The following PRKACB variants were observed in gnomAD, a reference collection of about 807,000 sequenced individuals.
PRKACB encodes the protein cAMP-dependent protein kinase catalytic subunit beta.
A neutral mutation model predicts 51.4 loss-of-function variants in PRKACB; 16 were observed. That is an observed-to-expected ratio of 0.31 (90% confidence interval 0.21 to 0.47). The LOEUF is 0.47. PRKACB is among the 20% of genes least tolerant of loss of function. The pLI, the probability that PRKACB is intolerant of heterozygous loss-of-function variation, is 1.00. For synonymous variants in PRKACB, 147 were observed against 154.4 expected, an observed-to-expected ratio of 0.95 and a Z score of 0.35; for missense variants, 309 against 464.5, an observed-to-expected ratio of 0.67 and a Z score of 3.08.
intron 1 of PRKACB, among the ~76,000 whole-genome samples, chr1:84,108,397 C>T (rs1034973993): frequency 8.6e-5 from 13 of 151,754 alleles, no homozygotes; most frequent in Non-Finnish European, 4.4e-5. Flanking sequence ...TTGGGTATAC[C>T]TGGGTGATGA....
chr1:84,129,861 C>T (rs886119323), intron 1 of PRKACB, among the ~76,000 whole-genome samples: 6 of 152,186 alleles, frequency 3.9e-5, no homozygotes, highest in Non-Finnish European at 1.5e-5. Context: ...TTTCTTCCTA[C>T]ATCCTCCAGC....
chr1:84,144,442 C>T lies in PRKACB; in HGVS notation c.81C>T (p.Ser27=), dbSNP rs766345267. 54 of 1,613,168 alleles carry T rather than the reference C, an allele frequency of 3.3e-5. No individual in the cohort carries two copies. In the East Asian group the frequency reaches 1.2e-3, roughly 35 times the overall value. The change falls in exon 1 of 10, where the codon AGC becomes AGT. Residue 27 remains serine (S), a synonymous_variant. Transcript: ENST00000370685. ...TTCAGAAATTGGAAGGTTTTGCTAG[C>T]CGGTTATTTCATAGACACTCTAAAG... ...TALQKLEGFA[S]RLFHRHSKGT...
chr1:84,130,421 G>A (rs1557986499), intron 1 of PRKACB, among the ~76,000 whole-genome samples: 1 of 152,028 alleles, frequency 6.6e-6, no homozygotes. Flanking sequence ...AGACAACCCA[G>A]AAAAGAGTCA....
intron 1 of PRKACB, among the ~76,000 whole-genome samples, chr1:84,127,775 T>A (rs995541236): frequency 6.6e-6 from 1 of 152,136 alleles, no homozygotes; most frequent in Non-Finnish European, 1.5e-5. Flanking sequence ...ACTTGATTAC[T>A]ACTTTATTTT....
At chr1:84,124,953 C>T (rs949812742) in intron 1 of PRKACB, among the ~76,000 whole-genome samples, 11 of 152,134 alleles carry the variant, frequency 7.2e-5, no homozygotes, top group Admixed American at 5.9e-4. Context: ...TTTTAGTACT[C>T]TGGAAATAGA....
At chr1:84,171,133 A>C (rs1242168014) in intron 1 of PRKACB, among the ~76,000 whole-genome samples, 1 of 151,562 alleles carries the variant, frequency 6.6e-6, no homozygotes, top group African/African-American at 2.4e-5. Flanking sequence ...TTAACTCGTA[A>C]ATTTAAGGTG....
intron 1 of PRKACB, among the ~76,000 whole-genome samples, chr1:84,147,664 T>C (rs1654286471): frequency 6.6e-6 from 1 of 151,944 alleles, no homozygotes; most frequent in Non-Finnish European, 1.5e-5. Flanking sequence ...GGAAGCTAAG[T>C]GTAAGAAAAA....
At chr1:84,157,996 A>T (rs570637754) in intron 1 of PRKACB, among the ~76,000 whole-genome samples, 1 of 152,014 alleles carries the variant, frequency 6.6e-6, no homozygotes, top group South Asian at 2.1e-4. Flanking sequence ...GTACCATTTT[A>T]TGTTTTCACC....
chr1:84,204,354 T>G, intron 8 of PRKACB: 1 of 665,524 alleles, frequency 1.5e-6, no homozygotes, highest in Non-Finnish European at 2.6e-6. Flanking sequence ...TGTGCACTGA[T>G]AAAGGCAATA....
chr1:84,086,045 G>A, intron 1 of PRKACB: 2 of 940,270 alleles, frequency 2.1e-6, no homozygotes, highest in Non-Finnish European at 3.5e-6. Flanking sequence ...GAAGATGGTG[G>A]TCAAGCAGCA....
chr1:84,205,350 G>A, intron 8 of PRKACB: 7 of 884,418 alleles, frequency 7.9e-6, no homozygotes, highest in Non-Finnish European at 9.5e-6. Context: ...TTGTCTCTCT[G>A]GTTAGTGGCT....
At chr1:84,081,764 CTTTG>C (rs1290643811) in intron 1 of PRKACB, among the ~76,000 whole-genome samples, 1 of 152,002 alleles carries the variant, frequency 6.6e-6, no homozygotes, top group East Asian at 1.9e-4. Flanking sequence ...GCCTATGGGG[CTTTG>C]TGTTATACAT....
intron 9 of PRKACB, among the ~76,000 whole-genome samples, chr1:84,223,587 T>C (rs1244778045): frequency 6.6e-6 from 1 of 152,082 alleles, no homozygotes; most frequent in East Asian, 1.9e-4. Context: ...GCCAGGATGG[T>C]CTCGATCTCC....
chr1:84,099,177 T>G (rs1418439664), intron 1 of PRKACB, among the ~76,000 whole-genome samples: 1 of 152,136 alleles, frequency 6.6e-6, no homozygotes. Flanking sequence ...CAATTTTATT[T>G]GTAGTGTTAA....
intron 1 of PRKACB, chr1:84,086,222 C>A: frequency 6.3e-7 from 1 of 1,593,058 alleles, no homozygotes; most frequent in Non-Finnish European, 8.6e-7. Context: ...CCTGAAGAAG[C>A]TGATTGGCTG....
intron 1 of PRKACB, among the ~76,000 whole-genome samples, chr1:84,097,170 G>C (rs1281246453): frequency 1.3e-5 from 2 of 151,806 alleles, no homozygotes; most frequent in Admixed American, 1.3e-4. Context: ...TCCAGTTTGG[G>C]ACTATTATGA....
At chr1:84,161,042 T>C (rs1656121208) in intron 1 of PRKACB, among the ~76,000 whole-genome samples, 1 of 151,926 alleles carries the variant, frequency 6.6e-6, no homozygotes, top group African/African-American at 2.4e-5. Context: ...GTCTAGTTTT[T>C]CCATCAATTA....
chr1:84,081,884 C>G (rs189438674), intron 1 of PRKACB, among the ~76,000 whole-genome samples: 13 of 152,226 alleles, frequency 8.5e-5, no homozygotes, highest in African/African-American at 3.1e-4. Flanking sequence ...ACCTAGTGTT[C>G]GCATATGATC....
intron 9 of PRKACB, among the ~76,000 whole-genome samples, chr1:84,223,360 G>GTTTTTT (rs201399102): frequency 1.6e-5 from 1 of 64,112 alleles, no homozygotes; most frequent in Non-Finnish European, 3.1e-5. Context: ...CTGTTTGGTT[G>GTTTTTT]TTTTTTTTTG....
Sources: gnomAD v4.1 joint callset for allele counts (sites outside exome capture counted in the v4.1 genomes callset) on GRCh38, gnomAD v4.1.1 for gene constraint, MANE v1.5 for transcripts, NCBI Gene and HGNC (gene_info 2026-07-23, HGNC 2026-07-21) for gene names.